PPARGC1A: variants seen among roughly 807,000 people sequenced by gnomAD.
PPARGC1A encodes the protein peroxisome proliferator-activated receptor gamma coactivator 1-alpha.
In PPARGC1A, 25 loss-of-function variants were observed where a neutral mutation model predicts 88.7. That is an observed-to-expected ratio of 0.28 (90% CI 0.21 to 0.39). The LOEUF is 0.39. Among genes scored for constraint, PPARGC1A ranks in the 10% least tolerant of loss-of-function variants. PPARGC1A has a pLI of 1.00. For missense variants in PPARGC1A, 880 were observed against 968.7 expected (o/e 0.91, Z 1.22); for synonymous variants, 363 against 355.6 (o/e 1.02, Z -0.24).
At chr4:24,098,341 T>C in the PPARGC1A span, among the ~76,000 whole-genome samples, 1 of 152,236 alleles carries the variant, frequency 6.6e-6, no homozygotes, top group Non-Finnish European at 1.5e-5. Flanking sequence ...CAAATACATG[T>C]GCATTTATAT....
the PPARGC1A span, among the ~76,000 whole-genome samples, chr4:24,465,028 G>A: frequency 5.1e-4 from 78 of 152,240 alleles, no homozygotes; most frequent in African/African-American, 1.8e-3. Flanking sequence ...CATCACACCT[G>A]GTTATTTTTA....
At chr4:24,127,840 A>G in the PPARGC1A span, among the ~76,000 whole-genome samples, 1 of 151,918 alleles carries the variant, frequency 6.6e-6, no homozygotes, top group Non-Finnish European at 1.5e-5. Context: ...ACCATTATAG[A>G]AAAAAAATAG....
chr4:23,996,853 G>A, the PPARGC1A span, among the ~76,000 whole-genome samples: 5 of 152,136 alleles, frequency 3.3e-5, no homozygotes, highest in Non-Finnish European at 5.9e-5. Flanking sequence ...GTGGCCAAGC[G>A]GATTTGACAA....
intron 2 of PPARGC1A, among the ~76,000 whole-genome samples, chr4:23,879,194 T>G (rs947739834): frequency 1.3e-5 from 2 of 152,234 alleles, no homozygotes; most frequent in African/African-American, 4.8e-5. Flanking sequence ...ATGCATTCTT[T>G]TTTTCTTGTC....
the PPARGC1A span, among the ~76,000 whole-genome samples, chr4:24,343,468 G>A: frequency 6.6e-6 from 1 of 152,094 alleles, no homozygotes; most frequent in African/African-American, 2.4e-5. Flanking sequence ...GCAGCAACAA[G>A]GCATCATTTT....
chr4:24,129,578 T>A, the PPARGC1A span, among the ~76,000 whole-genome samples: 1 of 152,130 alleles, frequency 6.6e-6, no homozygotes, highest in East Asian at 1.9e-4. Flanking sequence ...ATTGTGGAAG[T>A]CAGTGTGGCA....
the PPARGC1A span, among the ~76,000 whole-genome samples, chr4:24,187,198 A>T: frequency 6.6e-6 from 1 of 152,216 alleles, no homozygotes; most frequent in Non-Finnish European, 1.5e-5. Context: ...CTGGTGATGC[A>T]ATGATGATGG....
At chr4:24,399,218 T>G in the PPARGC1A span, among the ~76,000 whole-genome samples, 1 of 152,220 alleles carries the variant, frequency 6.6e-6, no homozygotes, top group African/African-American at 2.4e-5. Flanking sequence ...TCACTCACTT[T>G]TTTTGCAGAT....
At chr4:23,913,242 TTATATA>T in the PPARGC1A span, among the ~76,000 whole-genome samples, 291 of 94,594 alleles carry the variant, frequency 3.1e-3, no homozygotes, top group Middle Eastern at 7.0e-3. Flanking sequence ...ATTATATATT[TTATATA>T]TATATATATA....
the PPARGC1A span, among the ~76,000 whole-genome samples, chr4:23,935,495 T>C: frequency 6.6e-6 from 1 of 152,210 alleles, no homozygotes; most frequent in African/African-American, 2.4e-5. Flanking sequence ...TAGATATCAA[T>C]TTTTGTATCA....
intron 12 of PPARGC1A, among the ~76,000 whole-genome samples, chr4:23,796,979 CT>C (rs1313840729): frequency 6.6e-6 from 1 of 151,804 alleles, no homozygotes; most frequent in Non-Finnish European, 1.5e-5. Flanking sequence ...TGTTGTTTTG[CT>C]GACAAGATTG....
At chr4:24,259,103 A>ATT in the PPARGC1A span, among the ~76,000 whole-genome samples, 1 of 152,164 alleles carries the variant, frequency 6.6e-6, no homozygotes, top group Non-Finnish European at 1.5e-5. Context: ...GAAAGATGGC[A>ATT]CCTTCAGAAA....
At chr4:24,213,311 C>T in the PPARGC1A span, among the ~76,000 whole-genome samples, 4 of 151,888 alleles carry the variant, frequency 2.6e-5, no homozygotes, top group South Asian at 2.1e-4. Context: ...GGACTACAGG[C>T]GCCCACCACC....
At chr4:24,383,133 G>C in the PPARGC1A span, among the ~76,000 whole-genome samples, 1,977 of 152,240 alleles carry the variant, frequency 0.013, 42 homozygotes, top group African/African-American at 0.046. Context: ...TGCAGCAGAG[G>C]GGCCTATTAG....
chr4:23,956,395 T>C, the PPARGC1A span, among the ~76,000 whole-genome samples: 1 of 152,146 alleles, frequency 6.6e-6, no homozygotes, highest in Non-Finnish European at 1.5e-5. Context: ...AGCTCTGCAC[T>C]CTAATGATAT....
chr4:24,341,816 A>G, the PPARGC1A span, among the ~76,000 whole-genome samples: 1 of 152,232 alleles, frequency 6.6e-6, no homozygotes, highest in East Asian at 1.9e-4. Context: ...TGCTCACCAC[A>G]GCACAGAGAA....
chr4:24,233,584 AT>A, the PPARGC1A span, among the ~76,000 whole-genome samples: 1 of 60,740 alleles, frequency 1.6e-5, no homozygotes, highest in African/African-American at 5.8e-5. Flanking sequence ...ACACAAACAC[AT>A]ACACACACAC....
intron 7 of PPARGC1A, among the ~76,000 whole-genome samples, chr4:23,820,170 G>A (rs1722734530): frequency 4.6e-5 from 7 of 152,056 alleles, no homozygotes; most frequent in Admixed American, 4.6e-4. Context: ...GCTGATTAAA[G>A]CGTAGAGAAA....
chr4:24,036,582 G>A, the PPARGC1A span, among the ~76,000 whole-genome samples: 5 of 151,190 alleles, frequency 3.3e-5, no homozygotes, highest in Non-Finnish European at 7.4e-5. Context: ...ACAAATATAT[G>A]TAAGAACATA....
Sources: allele counts gnomAD v4.1 joint callset (sites outside exome capture counted in the v4.1 genomes callset), GRCh38; gene constraint gnomAD v4.1.1; transcripts MANE v1.5; gene names NCBI Gene and HGNC (gene_info 2026-07-23, HGNC 2026-07-21).